DOCK10: variants seen among roughly 807,000 people sequenced by gnomAD.
DOCK10 encodes the protein dedicator of cytokinesis protein 10.
A neutral mutation model predicts 280.1 loss-of-function variants in DOCK10; 145 were observed. That is an observed-to-expected ratio of 0.52 (90% CI 0.45 to 0.59). DOCK10 has a LOEUF of 0.59. Ranked by LOEUF, DOCK10 falls within the 20% of genes least tolerant of loss-of-function variation. The probability of loss-of-function intolerance (pLI) is 0.00; values close to 1 mark genes in which losing one functional copy is unlikely to be tolerated. For synonymous variants in DOCK10, 915 were observed against 942.2 expected (o/e 0.97, Z 0.53); for missense variants, 2,368 against 2,651.7 (o/e 0.89, Z 2.35).
chr2:224,993,115 G>T (rs1706174600), intron 1 of DOCK10, among the ~76,000 whole-genome samples: 1 of 151,900 alleles, frequency 6.6e-6, no homozygotes, highest in Non-Finnish European at 1.5e-5. Flanking sequence ...AGTCACCCCA[G>T]TTAGCTCTAA....
chr2:224,989,549 T>C (rs16866409), intron 1 of DOCK10, among the ~76,000 whole-genome samples: 2,180 of 152,222 alleles, frequency 0.014, 43 homozygotes, highest in African/African-American at 0.048. Context: ...ACACCTTAGA[T>C]TGAAAGTGGC....
chr2:224,893,308 A>G (rs1054513909), intron 4 of DOCK10: 2 of 162,660 alleles, frequency 1.2e-5, no homozygotes, highest in African/African-American at 2.4e-5. Flanking sequence ...ACACTCAAAA[A>G]AATGCTCTTT....
chr2:225,024,669 G>A (rs1689870383), intron 1 of DOCK10, among the ~76,000 whole-genome samples: 1 of 151,664 alleles, frequency 6.6e-6, no homozygotes, highest in Non-Finnish European at 1.5e-5. Context: ...GTGGGCGGAT[G>A]CCAGGAGTTT....
intron 26 of DOCK10, 113 bp from the exon 27 acceptor site, chr2:224,830,725 G>A (rs1272285049): frequency 4.0e-6 from 2 of 494,384 alleles, no homozygotes; most frequent in African/African-American, 4.0e-5. Flanking sequence ...TGTATTCTTT[G>A]AAACTAAATG....
At chr2:224,953,190 C>T (rs959826918) in intron 1 of DOCK10, among the ~76,000 whole-genome samples, 2 of 152,214 alleles carry the variant, frequency 1.3e-5, no homozygotes, top group African/African-American at 4.8e-5. Flanking sequence ...GTTATTACTT[C>T]CTTATTACAT....
chr2:224,919,105 G>A (rs1236909457), intron 2 of DOCK10, among the ~76,000 whole-genome samples: 1 of 148,006 alleles, frequency 6.8e-6, no homozygotes, highest in African/African-American at 2.5e-5. Flanking sequence ...ATGTATGTGT[G>A]GTGAGTTTAT....
At chr2:224,840,303 T>G (rs1013810210) in intron 23 of DOCK10, 1 of 354,690 alleles carries the variant, frequency 2.8e-6, no homozygotes, top group Non-Finnish European at 5.2e-6. Context: ...AAACACTCAA[T>G]GGAGTAAAGA....
intron 1 of DOCK10, among the ~76,000 whole-genome samples, chr2:225,040,166 C>G (rs1690380170): frequency 6.6e-6 from 1 of 152,156 alleles, no homozygotes; most frequent in African/African-American, 2.4e-5. Context: ...AAGGGATGCT[C>G]TACACCCACA....
At chr2:224,810,944 T>C (rs1405756484) in intron 31 of DOCK10, among the ~76,000 whole-genome samples, 2 of 152,134 alleles carry the variant, frequency 1.3e-5, no homozygotes, top group Admixed American at 6.5e-5. Flanking sequence ...GCAATAAACA[T>C]ACGTGTGCAT....
chr2:224,893,946 G>A (rs1025160720), intron 4 of DOCK10, among the ~76,000 whole-genome samples: 5 of 152,126 alleles, frequency 3.3e-5, no homozygotes, highest in Admixed American at 2.6e-4. Context: ...GCTTAGCTTT[G>A]TAAAATCATT....
At chr2:225,016,963 T>C (rs1282174570) in intron 1 of DOCK10, among the ~76,000 whole-genome samples, 2 of 152,086 alleles carry the variant, frequency 1.3e-5, no homozygotes, top group Non-Finnish European at 2.9e-5. Flanking sequence ...CCTCAGGTGA[T>C]CCACCCGCTT....
intron 3 of DOCK10, among the ~76,000 whole-genome samples, chr2:224,901,665 G>A (rs1393772281): frequency 2.0e-5 from 3 of 152,142 alleles, no homozygotes; most frequent in South Asian, 2.1e-4. Context: ...TGAGATCCAC[G>A]GAATCAGAAT....
At chr2:224,954,999 C>T (rs1290964698) in intron 1 of DOCK10, among the ~76,000 whole-genome samples, 4 of 152,172 alleles carry the variant, frequency 2.6e-5, no homozygotes, top group Non-Finnish European at 5.9e-5. Flanking sequence ...GACTGTTTTC[C>T]AATTGCATTT....
chr2:224,900,604 A>T (rs1173192315), intron 3 of DOCK10, among the ~76,000 whole-genome samples: 1 of 152,256 alleles, frequency 6.6e-6, no homozygotes, highest in Non-Finnish European at 1.5e-5. Context: ...CTGTTTTAGA[A>T]TCAGACAGAC....
chr2:224,815,353 A>G (rs1694062915), intron 30 of DOCK10, among the ~76,000 whole-genome samples: 1 of 151,976 alleles, frequency 6.6e-6, no homozygotes, highest in South Asian at 2.1e-4. Flanking sequence ...TCTTTATAGC[A>G]GTGTGACAAT....
intron 1 of DOCK10, chr2:224,947,055 A>G: frequency 1.4e-6 from 2 of 1,415,136 alleles, no homozygotes. Context: ...CTTCTTGGTA[A>G]AAAGGGAAAT....
chr2:224,910,222 G>A (rs1405921516), intron 3 of DOCK10, among the ~76,000 whole-genome samples: 7 of 152,290 alleles, frequency 4.6e-5, no homozygotes, highest in East Asian at 3.9e-4. Flanking sequence ...CTCTACAAAC[G>A]TCAATGAATT....
At chr2:224,923,572 T>C (rs899776387) in intron 2 of DOCK10, among the ~76,000 whole-genome samples, 1 of 152,136 alleles carries the variant, frequency 6.6e-6, no homozygotes, top group Non-Finnish European at 1.5e-5. Flanking sequence ...GTGAAGAGGG[T>C]TGCCTGCTGC....
At chr2:224,794,485 T>C (rs1692413200) in intron 45 of DOCK10, among the ~76,000 whole-genome samples, 1 of 152,362 alleles carries the variant, frequency 6.6e-6, no homozygotes, top group South Asian at 2.1e-4. Context: ...TCCCCCTGCC[T>C]GAGTTAACTC....
Sources: gnomAD v4.1 joint callset for allele counts (sites outside exome capture counted in the v4.1 genomes callset) on GRCh38, gnomAD v4.1.1 for gene constraint, MANE v1.5 for transcripts, NCBI Gene and HGNC (gene_info 2026-07-23, HGNC 2026-07-21) for gene names.